The following TONSL variants were observed in gnomAD, a reference collection of about 807,000 sequenced individuals.
The protein encoded by TONSL is tonsoku like, DNA repair protein, also known as tonsoku-like protein.
Under a neutral mutation model 147.1 loss-of-function variants are expected in TONSL, and 112 were observed. The ratio of observed to expected loss-of-function variants is 0.76; its 90% CI spans 0.65 to 0.89. TONSL has a LOEUF of 0.89. Among genes scored for constraint, TONSL ranks in the 40% least tolerant of loss-of-function variants. TONSL has a pLI of 0.00. For missense variants in TONSL, 1,883 were observed against 1,864.6 expected, an observed-to-expected ratio of 1.01 and a Z score of -0.18; for synonymous variants, 868 against 801.5, an observed-to-expected ratio of 1.08 and a Z score of -1.40.
chr8:144,429,175 G>A lies in TONSL; in HGVS notation c.4105C>T (p.His1369Tyr). The part of the protein sequence containing the change: ...RPGPGECTLD[H>Y]GSKLFFRRL ...CGCCGAAAGAAGAGCTTGGAGCCGT[G>A]GTCCAGCGTGCACTCGCCGGGGCCC... is the stretch of plus-strand genomic sequence containing the variant. The change falls in exon 26 of 26, where the codon CAC becomes TAC. Residue 1369 changes from histidine to tyrosine, a missense_variant. Coordinates refer to ENST00000409379, the MANE Select transcript of TONSL (RefSeq NM_013432.5). 1 of 1,533,728 alleles carries A rather than the reference G, an allele frequency of 6.5e-7. No individual in the cohort carries two copies. Among genetic ancestry groups the A allele is most frequent in the South Asian group, 1.2e-5 (1 of 83,740 alleles).
In TONSL at chr8:144,436,364, T is replaced by A; in HGVS notation, c.2069A>T (p.Glu690Val). 2.0e-6 allele frequency: 3 copies of A among 1,503,292 alleles called. No individual in the cohort carries two copies. The highest frequency in any genetic ancestry group is 2.6e-6 in the Non-Finnish European group (3 of 1,133,306). The allele number at this position is 1,503,292 out of a possible 1,614,324, so 93.1% of individuals were successfully genotyped here. A position where few individuals can be genotyped will look rare whatever the true frequency, so the allele number is the denominator to read the frequency against. ...GCAGGGGCTCAAAGGAGGAGAGGTC[T>A]CGGGGTCAAACAGAAGGCTGCTTGG... Reference protein sequence around the residue: ...HTPSSLLFDPETSPPLSPCPE... With the variant: ...HTPSSLLFDPVTSPPLSPCPE... The change falls in exon 17 of 26, where the codon GAG becomes GTG. Residue 690 changes from glutamate to valine, a missense_variant. Physicochemically the swap from Glu to Val is moderately radical, Grantham distance 121 (BLOSUM62 -2). Transcript: ENST00000409379.
chr8:144,437,120 G>C, intron 13 of TONSL, 21 bp from the exon 14 acceptor site: 1 of 1,610,138 alleles, frequency 6.2e-7, no homozygotes, highest in East Asian at 2.2e-5. Flanking sequence ...GGACAGGAAG[G>C]AGCCTGGCCC....
chr8:144,444,145 G>T, intron 2 of TONSL, 35 bp downstream of exon 2: 3 of 1,375,996 alleles, frequency 2.2e-6, no homozygotes, highest in Non-Finnish European at 2.8e-6. Flanking sequence ...CCCGGGCCCC[G>T]GCCCTGCCTC....
Position 144,436,801 on chromosome 8 carries a change from G to A in TONSL, c.1846C>T (p.Leu616=). ...ACGGACGCCCCCCGTTCAAGCAGCA[G>A]CTCAGCCACCTCGAAGTGGCCACAG... is the stretch of plus-strand genomic sequence containing the variant. ...LNCGHFEVAE[L]LLERGASVTL... The change falls in exon 15 of 26, where the codon CTG becomes TTG. Residue 616 remains leucine, a synonymous_variant. Transcript: ENST00000409379. 1.2e-6 allele frequency: 2 copies of A among 1,611,502 alleles called. No individual in the cohort carries two copies. Among genetic ancestry groups the A allele is most frequent in the Non-Finnish European group, 1.7e-6 (2 of 1,179,892 alleles).
chr8:144,440,096 C>G lies in TONSL; in HGVS notation c.1405G>C (p.Glu469Gln). 1 of 1,610,578 alleles carries G rather than the reference C, an allele frequency of 6.2e-7. No individual in the cohort carries two copies. The highest frequency in any genetic ancestry group is 8.5e-7 in the Non-Finnish European group (1 of 1,178,358). The change falls in exon 11 of 26, where the codon GAG becomes CAG. Residue 469 changes from glutamate to glutamine, a missense_variant. Transcript: ENST00000409379. ...GTGGCTGCCGCCTCCTCCGCCTCCT[C>G]CTCCTCATCTTCATCTTCAGCTACA... The part of the protein sequence containing the change: ...LSVAEDEDEE[E>Q]EAEEAAATAE...
rs1823366127 is a variant in TONSL at position 144,434,820 on chromosome 8, G to A, written c.3076C>T (p.Leu1026=). 2 of 1,613,502 alleles carry A rather than the reference G, an allele frequency of 1.2e-6. No individual in the cohort carries two copies. Among genetic ancestry groups the A allele is most frequent in the Non-Finnish European group, 1.7e-6 (2 of 1,179,916 alleles). ...CTCTCCTGGCCCTCACCTTGCCCCAGGCTCTGGCAGGCCCTGCGGTAGCGG... is the reference window on the plus strand; with the variant it reads ...CTCTCCTGGCCCTCACCTTGCCCCAAGCTCTGGCAGGCCCTGCGGTAGCGG... ...TDRYRRACQS[L]GQGEHQQVLQ... is the part of the protein sequence containing the mutation. The change falls in exon 20 of 26, where the codon CTG becomes TTG. Residue 1026 remains leucine (L), a synonymous_variant. Transcript: ENST00000409379.
At chr8:144,437,167 C>A in intron 13 of TONSL, 68 bp from the exon 14 acceptor site, 1 of 1,517,696 alleles carries the variant, frequency 6.6e-7, no homozygotes, top group Non-Finnish European at 9.0e-7. Context: ...CCCGTGAGCT[C>A]TGCAGCCTAA....
chr8:144,444,409 G>T lies in TONSL; in HGVS notation c.6C>A (p.Ser2Arg). 1.6e-6 allele frequency: 2 copies of T among 1,241,728 alleles called. No individual in the cohort carries two copies. The highest frequency in any genetic ancestry group is 2.0e-6 in the Non-Finnish European group (2 of 990,786). 76.9% of individuals were successfully genotyped at this position (1,241,728 alleles called of 1,614,324 possible). The change falls in exon 1 of 26, where the codon AGC becomes AGA. Residue 2 changes from serine to arginine, a missense_variant. Coordinates refer to ENST00000409379, the MANE Select transcript of TONSL (RefSeq NM_013432.5). The stretch of plus-strand genomic sequence containing the variant: ...ACTTACGGCGAAGCTCGCGCTCCAG[G>T]CTCATGCTCGGATCGCCGCGGGATC... Reference protein sequence around the residue: MSLERELRQLSK... With the variant: MRLERELRQLSK...
At chr8:144,441,205 ACT>A in intron 7 of TONSL, 94 bp from the exon 8 acceptor site, 1 of 1,504,540 alleles carries the variant, frequency 6.6e-7, no homozygotes, top group Admixed American at 2.0e-5. Flanking sequence ...TGGCCCCCCC[ACT>A]CTCTCCACAC....
Position 144,444,028 on chromosome 8 carries a change from G to A in TONSL, c.122-4C>T, listed in dbSNP as rs1321929073. On this transcript the variant is annotated splice_region_variant and splice_polypyrimidine_tract_variant and intron_variant, in intron 2 of 25. Transcript: ENST00000409379. ...TCCAGAGCCTCGGCGTAGCGGCCTA[G>A]GCGGGGGCACAGCACGGCCTGGCAG... The A allele has an allele frequency of 1.3e-6, 2 of 1,534,360 alleles. No homozygotes were observed. The highest frequency in any genetic ancestry group is 1.9e-4 in the Middle Eastern group (1 of 5,402).
chr8:144,433,902 T>C (rs1823324855), intron 21 of TONSL, 76 bp downstream of exon 21: 2 of 1,485,702 alleles, frequency 1.3e-6, no homozygotes, highest in Non-Finnish European at 9.0e-7. Flanking sequence ...CCAACTACCC[T>C]AGACCACCCA....
At chr8:144,443,358 C>A in intron 3 of TONSL, 37 bp from the exon 4 acceptor site, 1 of 1,525,922 alleles carries the variant, frequency 6.6e-7, no homozygotes, top group South Asian at 1.2e-5. Context: ...TGAGCCGACT[C>A]CGCCTCAAGC....
rs1823435772 is a variant in TONSL at position 144,435,964 on chromosome 8, CGCTGCCTGG to C, written c.2460_2468del (p.Gln821_Ala823del). 3.2e-6 allele frequency: 5 copies of C among 1,558,116 alleles called. No homozygotes were observed. Among genetic ancestry groups the C allele is most frequent in the Non-Finnish European group, 4.3e-6 (5 of 1,151,826 alleles). ...CCAGGCACTCCTCCTCCGGGATGAG[CGCTGCCTGG>C]GGGGCAAGGGCTTTGCTGTGGCCCC... On this transcript the variant is annotated inframe_deletion, in exon 17 of 26. Transcript: ENST00000409379.
chr8:144,441,341 C>A, intron 7 of TONSL: 1 of 577,438 alleles, frequency 1.7e-6, no homozygotes, highest in Admixed American at 3.2e-5. Context: ...GCCTGTAATC[C>A]TAGGACTTTG....
At chr8:144,440,327 T>C in intron 10 of TONSL, 24 bp downstream of exon 10, 1 of 1,572,300 alleles carries the variant, frequency 6.4e-7, no homozygotes, top group Non-Finnish European at 8.7e-7. Context: ...GGGGAGCCAG[T>C]ATGGGTGGGA....
chr8:144,435,927 G>T lies in TONSL; in HGVS notation c.2506C>A (p.Leu836Met). 1 of 1,577,342 alleles carries T rather than the reference G, an allele frequency of 6.3e-7. No individual in the cohort carries two copies. Reference protein sequence around the residue: ...PEEECLAGDWLELDMPLTRSR... With the variant: ...PEEECLAGDWMELDMPLTRSR... The stretch of plus-strand genomic sequence containing the variant: ...CGGGTCAGGGGCATGTCCAGCTCCA[G>T]CCAGTCCCCGGCCAGGCACTCCTCC... The change falls in exon 17 of 26, where the codon CTG becomes ATG. Residue 836 changes from leucine (L) to methionine (M), a missense_variant. Physicochemically the swap from Leu to Met is conservative, Grantham distance 15. Transcript: ENST00000409379.
At chr8:144,442,174 G>A (rs768203991) in intron 6 of TONSL, 23 bp from the exon 7 acceptor site, 16 of 1,601,958 alleles carry the variant, frequency 1.0e-5, no homozygotes, top group Non-Finnish European at 2.6e-6. Flanking sequence ...GGACAGCAAA[G>A]GTTTTGCAGA....
chr8:144,442,130 A>T lies in TONSL; in HGVS notation c.772T>A (p.Phe258Ile). The T allele has an allele frequency of 6.2e-7, 1 of 1,612,480 alleles. No homozygotes were observed. The highest frequency in any genetic ancestry group is 1.7e-4 in the Middle Eastern group (1 of 6,058). The change falls in exon 7 of 26, where the codon TTT (phenylalanine) becomes ATT (isoleucine). Residue 258 changes from phenylalanine (F) to isoleucine (I), a missense_variant. Coordinates refer to ENST00000409379, the MANE Select transcript of TONSL (RefSeq NM_013432.5). ...IAQVLQDLGD[F>I]LAAKRALKKA... The stretch of plus-strand genomic sequence containing the variant: ...TTCAGGGCTCGCTTGGCAGCCAAAA[A>T]GTCTCCCAGGTCTTGGAGGACCTGG...
At position 144,442,313 on chromosome 8, in the gene TONSL, C is replaced by G; in HGVS notation, c.678G>C (p.Glu226Asp). Residue 226 changes from glutamate (E) to aspartate (D), a missense_variant, in exon 6 of 26, where the codon GAG becomes GAC. Glu to Asp is a conservative substitution (Grantham distance 45, BLOSUM62 2). Transcript: ENST00000409379. ...GQHSQAMRCL[E>D]GARECAHTMR... ...TGGTGTGCGCACACTCCCGGGCACC[C>G]TCCAAGCAGCGCATAGCCTGGGAGT... The G allele has an allele frequency of 6.3e-7, 1 of 1,598,606 alleles. No individual in the cohort carries two copies. The highest frequency in any genetic ancestry group is 1.7e-4 in the Middle Eastern group (1 of 6,036).
Sources: allele counts gnomAD v4.1 joint callset, GRCh38; gene constraint gnomAD v4.1.1; transcripts MANE v1.5; gene names NCBI Gene and HGNC (gene_info 2026-07-23, HGNC 2026-07-21).